ZSCAN25: variants seen among roughly 807,000 people sequenced by gnomAD.
The protein encoded by ZSCAN25 is zinc finger and SCAN domain-containing protein 25.
Under a neutral mutation model 38.7 loss-of-function variants are expected in ZSCAN25, and 27 were observed. The ratio of observed to expected loss-of-function variants is 0.70; its 90% CI spans 0.51 to 0.96. The LOEUF is 0.96. Among genes scored for constraint, ZSCAN25 ranks in the 40% least tolerant of loss-of-function variants. ZSCAN25 has a pLI of 0.00. For missense variants in ZSCAN25, 637 were observed against 705.9 expected (o/e 0.90, Z 1.11); for synonymous variants, 273 against 277.7 (o/e 0.98, Z 0.17).
chr7:99,668,677 C>T, the ZSCAN25 span, among the ~76,000 whole-genome samples: 2 of 152,118 alleles, frequency 1.3e-5, no homozygotes, highest in Non-Finnish European at 2.9e-5. Flanking sequence ...TAACAAAGAG[C>T]GAGAGGACGC....
downstream of ZSCAN25, among the ~76,000 whole-genome samples, chr7:99,636,314 CTG>C (rs1450947822): frequency 6.6e-6 from 1 of 152,204 alleles, no homozygotes; most frequent in Non-Finnish European, 1.5e-5. Context: ...TAAAGTGAAA[CTG>C]AGAACTTCGT....
chr7:99,622,528 A>C (rs917135942), intron 5 of ZSCAN25, 21 bp from the exon 6 acceptor site: 14 of 1,612,314 alleles, frequency 8.7e-6, no homozygotes, highest in Non-Finnish European at 1.2e-5. Flanking sequence ...GATCTTTCTC[A>C]TGCTTTTTGT....
At chr7:99,650,245 T>C in the ZSCAN25 span, 1 of 1,610,826 alleles carries the variant, frequency 6.2e-7, no homozygotes, top group Non-Finnish European at 8.5e-7. Flanking sequence ...AGTTCCATAT[T>C]GGTAGATTAA....
chr7:99,652,324 C>T, the ZSCAN25 span: 21 of 355,530 alleles, frequency 5.9e-5, no homozygotes, highest in African/African-American at 4.2e-4. Flanking sequence ...AAAATGCCCA[C>T]AGGGACATAA....
At chr7:99,640,958 C>A in the ZSCAN25 span, among the ~76,000 whole-genome samples, 1 of 152,178 alleles carries the variant, frequency 6.6e-6, no homozygotes, top group Non-Finnish European at 1.5e-5. Flanking sequence ...TAGCTCTGTT[C>A]TATCATCTGA....
At chr7:99,690,652 C>G in the ZSCAN25 span, among the ~76,000 whole-genome samples, 10 of 152,152 alleles carry the variant, frequency 6.6e-5, no homozygotes, top group Admixed American at 6.5e-4. Context: ...AGACACTTCT[C>G]AAAAGAAGAC....
the ZSCAN25 span, among the ~76,000 whole-genome samples, chr7:99,649,347 C>T: frequency 4.3e-4 from 65 of 152,310 alleles, no homozygotes; most frequent in African/African-American, 1.3e-3. Context: ...TACACCGGTC[C>T]TGGAAATAAG....
the ZSCAN25 span, chr7:99,652,874 G>T: frequency 3.5e-6 from 3 of 865,536 alleles, no homozygotes; most frequent in Non-Finnish European, 5.4e-6. Context: ...AAGCTCCAGA[G>T]AATAACTCAT....
At chr7:99,638,955 C>T in the ZSCAN25 span, among the ~76,000 whole-genome samples, 1 of 152,236 alleles carries the variant, frequency 6.6e-6, no homozygotes, top group Non-Finnish European at 1.5e-5. Flanking sequence ...TTGATTCCTC[C>T]AGTCGCCGCT....
At chr7:99,671,830 T>C in the ZSCAN25 span, 5 of 702,936 alleles carry the variant, frequency 7.1e-6, no homozygotes, top group Non-Finnish European at 1.3e-5. Context: ...GGGAGCCACA[T>C]GGTGACGGAA....
chr7:99,734,896 C>T, the ZSCAN25 span: 16 of 1,423,346 alleles, frequency 1.1e-5, no homozygotes, highest in East Asian at 2.3e-5. Flanking sequence ...TCTGGGATGA[C>T]AGGTGTGAGC....
At chr7:99,706,005 A>T in the ZSCAN25 span, among the ~76,000 whole-genome samples, 1 of 152,208 alleles carries the variant, frequency 6.6e-6, no homozygotes, top group Non-Finnish European at 1.5e-5. Flanking sequence ...GGTAATCCTG[A>T]GTAGCTATTG....
At chr7:99,685,131 T>C in the ZSCAN25 span, 1 of 1,570,636 alleles carries the variant, frequency 6.4e-7, no homozygotes, top group Non-Finnish European at 8.8e-7. Flanking sequence ...CAGAAGTCCT[T>C]AGGGAAATTC....
chr7:99,735,528 C>T, the ZSCAN25 span, among the ~76,000 whole-genome samples: 1 of 152,184 alleles, frequency 6.6e-6, no homozygotes, highest in Non-Finnish European at 1.5e-5. Context: ...CTCATCCCAA[C>T]AAGCCATGCC....
At chr7:99,678,742 C>T in the ZSCAN25 span, among the ~76,000 whole-genome samples, 5 of 152,176 alleles carry the variant, frequency 3.3e-5, no homozygotes, top group African/African-American at 1.2e-4. Flanking sequence ...AACCATGTTG[C>T]CACAACTCAC....
chr7:99,726,651 C>T, the ZSCAN25 span, among the ~76,000 whole-genome samples: 1 of 152,224 alleles, frequency 6.6e-6, no homozygotes, highest in Non-Finnish European at 1.5e-5. Flanking sequence ...GGACAGCCCT[C>T]ATTACTTCAG....
chr7:99,642,828 A>C, the ZSCAN25 span, among the ~76,000 whole-genome samples: 1 of 152,138 alleles, frequency 6.6e-6, no homozygotes, highest in Admixed American at 6.5e-5. Context: ...CCCACTACCT[A>C]GAATGGTGCT....
chr7:99,707,628 T>C, the ZSCAN25 span, among the ~76,000 whole-genome samples: 1 of 152,242 alleles, frequency 6.6e-6, no homozygotes, highest in African/African-American at 2.4e-5. Context: ...ATGTTTTTAA[T>C]GCTACAGCTT....
the ZSCAN25 span, among the ~76,000 whole-genome samples, chr7:99,710,310 T>C: frequency 6.6e-6 from 1 of 152,174 alleles, no homozygotes; most frequent in African/African-American, 2.4e-5. Flanking sequence ...GACTGAAACA[T>C]GAGACACATG....
Sources: allele counts gnomAD v4.1 joint callset (sites outside exome capture counted in the v4.1 genomes callset), GRCh38; gene constraint gnomAD v4.1.1; transcripts MANE v1.5; gene names NCBI Gene and HGNC (gene_info 2026-07-23, HGNC 2026-07-21).